SLC3A1: variants seen among roughly 807,000 people sequenced by gnomAD.
The protein encoded by SLC3A1 is solute carrier family 3 member 1.
Under a neutral mutation model 60.3 loss-of-function variants are expected in SLC3A1, and 78 were observed. The observed-to-expected ratio is 1.29, with a 90% confidence interval of 1.08 to 1.56. The LOEUF (loss-of-function observed/expected upper bound fraction) is 1.56. Ranked by LOEUF, SLC3A1 falls within the 40% of genes most tolerant of loss-of-function variation. The pLI is 0.00. For synonymous variants in SLC3A1, 392 were observed against 307.9 expected, an observed-to-expected ratio of 1.27 and a Z score of -2.86; for missense variants, 1,172 against 858.9, an observed-to-expected ratio of 1.36 and a Z score of -4.56.
At position 44,312,728 on chromosome 2, in the gene SLC3A1, C is replaced by G; in HGVS notation, c.1475C>G (p.Ala492Gly). Residue 492 changes from alanine to glycine, a missense_variant, in exon 8 of 10, where the codon GCA becomes GGA. Coordinates refer to ENST00000260649, the MANE Select transcript of SLC3A1 (RefSeq NM_000341.4). ...EEIGMGNIVA[A>G]NLNESYDINT... is the part of the protein sequence containing the mutation. Reference sequence around the variant, plus strand: ...ATTGGAATGGGAAATATTGTAGCCGCAAATCTCAATGAAAGCTATGATATT... The same window carrying G: ...ATTGGAATGGGAAATATTGTAGCCGGAAATCTCAATGAAAGCTATGATATT... 1 of 1,613,258 alleles carries G rather than the reference C, an allele frequency of 6.2e-7. No individual in the cohort carries two copies. The highest frequency in any genetic ancestry group is 2.2e-5 in the East Asian group (1 of 44,866).
downstream of SLC3A1, chr2:44,321,757 C>T (rs1672976683): frequency 6.2e-7 from 1 of 1,612,824 alleles, no homozygotes; most frequent in South Asian, 1.1e-5. Flanking sequence ...CTGCTGCAAC[C>T]ACTGAAAATG....
intron 9 of SLC3A1, among the ~76,000 whole-genome samples, chr2:44,315,487 T>G (rs951483008): frequency 3.9e-5 from 5 of 127,388 alleles, no homozygotes; most frequent in African/African-American, 9.4e-5. Context: ...TGTTTCTACC[T>G]TCCCCCTACC....
Position 44,321,214 on chromosome 2 carries a change from C to T in SLC3A1, c.*575C>T. ...ATAAGCAAGTGAGATGTAGACTAAG[C>T]AAAATTTAGATGGAGAAGCACATTT... On this transcript the variant is annotated 3_prime_UTR_variant, in exon 10 of 10. Transcript: ENST00000260649. The T allele has an allele frequency of 1.3e-6, 1 of 742,146 alleles. No homozygotes were observed. The highest frequency in any genetic ancestry group is 2.2e-6 in the Non-Finnish European group (1 of 455,160). The allele number at this position is 742,146 out of a possible 1,614,324, so 46.0% of individuals were successfully genotyped here. A position where few individuals can be genotyped will look rare whatever the true frequency, so the allele number is the denominator to read the frequency against.
rs1467818332 is a variant in SLC3A1, at chr2:44,321,436, G to A, written c.*797G>A. 2 of 1,612,000 alleles carry A rather than the reference G, an allele frequency of 1.2e-6. No individual in the cohort carries two copies. Among genetic ancestry groups the A allele is most frequent in the Non-Finnish European group, 1.7e-6 (2 of 1,178,552 alleles). On this transcript the variant is annotated 3_prime_UTR_variant, in exon 10 of 10. Transcript: ENST00000260649. ...AGTTCCTCGTACAGGAATTTAATTTGGGCTGTAATCTAAAAGAAACACATT... is the reference window on the plus strand; with the variant it reads ...AGTTCCTCGTACAGGAATTTAATTTAGGCTGTAATCTAAAAGAAACACATT...
rs771074268 is a variant in SLC3A1 at position 44,285,674 on chromosome 2, C to T, written c.766-358C>T. The T allele has an allele frequency of 1.8e-5, 9 of 492,396 alleles. No homozygotes were observed. In the East Asian group the frequency reaches 3.8e-4, roughly 21 times the overall value. 30.5% of individuals were successfully genotyped at this position (492,396 alleles called of 1,614,324 possible). ...ATGTTTCTTTCTTCCAAATTGACTA[C>T]CATTTTGCTTCTCTTCACAAACAAG... On this transcript the variant is annotated intron_variant, in intron 3 of 9. Transcript: ENST00000260649.
chr2:44,284,597 C>T (rs1375926550), intron 3 of SLC3A1, among the ~76,000 whole-genome samples: 1 of 152,140 alleles, frequency 6.6e-6, no homozygotes, highest in Non-Finnish European at 1.5e-5. Context: ...GGGTCTCATT[C>T]TGTCACCCAG....
Position 44,280,861 on chromosome 2 carries a change from T to C in SLC3A1, c.576T>C (p.Asp192=). 6.2e-7 allele frequency: 1 copy of C among 1,614,118 alleles called. No individual in the cohort carries two copies. Among genetic ancestry groups the C allele is most frequent in the Non-Finnish European group, 8.5e-7 (1 of 1,180,018 alleles). ...EVDPIFGTME[D]FENLVAAIHD... is the part of the protein sequence containing the mutation. ...ATCCCATTTTTGGAACGATGGAAGATTTTGAGAATCTGGTTGCAGCCATAC... is the reference window on the plus strand; with the variant it reads ...ATCCCATTTTTGGAACGATGGAAGACTTTGAGAATCTGGTTGCAGCCATAC... Residue 192 remains aspartate, a synonymous_variant, in exon 2 of 10, where the codon GAT becomes GAC. Coordinates refer to ENST00000260649, the MANE Select transcript of SLC3A1 (RefSeq NM_000341.4).
At chr2:44,298,772 G>T (rs1283683950) in intron 4 of SLC3A1, among the ~76,000 whole-genome samples, 1 of 152,182 alleles carries the variant, frequency 6.6e-6, no homozygotes, top group Non-Finnish European at 1.5e-5. Flanking sequence ...ATGCTCTCAG[G>T]AGCAGGTGAG....
At chr2:44,278,343 G>A (rs1277076902) in intron 1 of SLC3A1, among the ~76,000 whole-genome samples, 1 of 152,124 alleles carries the variant, frequency 6.6e-6, no homozygotes, top group Non-Finnish European at 1.5e-5. Context: ...AGCTATTTGG[G>A]TGGCTGAGGC....
At chr2:44,292,328 T>C (rs1469848456) in intron 4 of SLC3A1, among the ~76,000 whole-genome samples, 1 of 152,186 alleles carries the variant, frequency 6.6e-6, no homozygotes, top group Non-Finnish European at 1.5e-5. Flanking sequence ...CACAATTCGC[T>C]CACTACCTGC....
intron 7 of SLC3A1, among the ~76,000 whole-genome samples, chr2:44,309,216 A>T (rs1268287555): frequency 2.6e-5 from 4 of 152,284 alleles, no homozygotes; most frequent in African/African-American, 7.2e-5. Flanking sequence ...ATAATTCCTC[A>T]CTTCCACCAC....
In SLC3A1 at chr2:44,320,733, CATT is replaced by C; in HGVS notation, c.*96_*98del. On this transcript the variant is annotated 3_prime_UTR_variant, in exon 10 of 10. Transcript: ENST00000260649. ...TACAGCATGCTGCTTGGTGAACAAT[CATT>C]AATTCTTCGATATTTCTGTAGCTTG... The C allele has an allele frequency of 1.0e-6, 1 of 969,524 alleles. No individual in the cohort carries two copies. The highest frequency in any genetic ancestry group is 1.7e-6 in the Non-Finnish European group (1 of 604,358). The allele number at this position is 969,524 out of a possible 1,614,324, so 60.1% of individuals were successfully genotyped here.
At chr2:44,305,619 G>A (rs551349569) in intron 7 of SLC3A1, among the ~76,000 whole-genome samples, 2 of 151,516 alleles carry the variant, frequency 1.3e-5, no homozygotes, top group Non-Finnish European at 2.9e-5. Context: ...GTACAGACGG[G>A]GTTTTACCAT....
At position 44,303,942 on chromosome 2, in the gene SLC3A1, G is replaced by T. The variant is rs4953083; in HGVS notation, c.1137-201G>T. 380,153 of 649,774 alleles carry T rather than the reference G, an allele frequency of 0.59. 117,923 individuals are homozygous for T. Among genetic ancestry groups the T allele is most frequent in the Non-Finnish European group, 0.66 (236,879 of 357,296 alleles). The allele number at this position is 649,774 out of a possible 1,614,324, so 40.3% of individuals were successfully genotyped here. A position where few individuals can be genotyped will look rare whatever the true frequency, so the allele number is the denominator to read the frequency against. On this transcript the variant is annotated intron_variant, in intron 6 of 9. Coordinates refer to ENST00000260649, the MANE Select transcript of SLC3A1 (RefSeq NM_000341.4). ...TTTTTATGGCTGCATAGTATTCCAT[G>T]GTGTGTATGTGCCACATTTTCTTAA...
chr2:44,319,163 T>C (rs970795389), intron 9 of SLC3A1: 1 of 152,644 alleles, frequency 6.6e-6, no homozygotes, highest in Non-Finnish European at 1.5e-5. Flanking sequence ...ATTAGATAAT[T>C]ATTTAAAGAC....
At chr2:44,307,922 C>T (rs1203117693) in intron 7 of SLC3A1, among the ~76,000 whole-genome samples, 1 of 152,150 alleles carries the variant, frequency 6.6e-6, no homozygotes, top group Non-Finnish European at 1.5e-5. Context: ...TCCAGCACCA[C>T]ATGCTAAAAA....
At chr2:44,315,521 G>C (rs62135163) in intron 9 of SLC3A1, among the ~76,000 whole-genome samples, 1 of 147,004 alleles carries the variant, frequency 6.8e-6, no homozygotes, top group East Asian at 2.0e-4. Flanking sequence ...AAAAAAAAGG[G>C]AAATTAGCTG....
In SLC3A1 at chr2:44,292,872, G is replaced by A. The variant is rs1671769632; in HGVS notation, c.891+6715G>A. On this transcript the variant is annotated intron_variant, in intron 4 of 9. Transcript: ENST00000260649. ...AAGGATTTGGGCTTAAAAGGTCTTA[G>A]GTATTTATTTTTTATTTTTATTTTT... Among the ~76,000 whole-genome samples, 3 of 152,104 alleles carry A rather than the reference G, an allele frequency of 2.0e-5. No homozygotes were observed. The South Asian group carries it at 6.2e-4, about 32-fold the overall frequency.
chr2:44,317,188 T>C (rs1195007848), intron 9 of SLC3A1, among the ~76,000 whole-genome samples: 1 of 152,070 alleles, frequency 6.6e-6, no homozygotes, highest in Non-Finnish European at 1.5e-5. Context: ...TCCTGCTGGG[T>C]ATGGTGGCTC....
Sources: gnomAD v4.1 joint callset for allele counts (sites outside exome capture counted in the v4.1 genomes callset) on GRCh38, gnomAD v4.1.1 for gene constraint, MANE v1.5 for transcripts, NCBI Gene and HGNC (gene_info 2026-07-23, HGNC 2026-07-21) for gene names.